ATP13A4: variants seen among roughly 807,000 people sequenced by gnomAD.
ATP13A4 encodes probable cation-transporting ATPase 13A4.
Under a neutral mutation model 142.5 loss-of-function variants are expected in ATP13A4, and 114 were observed. That is an observed-to-expected ratio of 0.80 (90% CI 0.69 to 0.93). The LOEUF (loss-of-function observed/expected upper bound fraction) is 0.93. Among genes scored for constraint, ATP13A4 ranks in the 40% least tolerant of loss-of-function variants. The probability of loss-of-function intolerance (pLI) is 0.00; values close to 1 mark genes in which losing one functional copy is unlikely to be tolerated. For synonymous variants in ATP13A4, 488 were observed against 514.8 expected (o/e 0.95, Z 0.70); for missense variants, 1,392 against 1,454.0 (o/e 0.96, Z 0.69).
At chr3:193,456,074 G>A (rs1172648756) in intron 16 of ATP13A4, among the ~76,000 whole-genome samples, 1 of 152,032 alleles carries the variant, frequency 6.6e-6, no homozygotes, top group Non-Finnish European at 1.5e-5. Flanking sequence ...ATGGGTACTA[G>A]GCTTAATACC....
chr3:193,451,232 GT>G (rs1441285823), intron 17 of ATP13A4, among the ~76,000 whole-genome samples: 9 of 152,136 alleles, frequency 5.9e-5, no homozygotes, highest in Middle Eastern at 3.2e-3. Context: ...CCAGGCCTTG[GT>G]TATTTCTGCA....
intron 14 of ATP13A4, among the ~76,000 whole-genome samples, chr3:193,458,061 T>C (rs1717741209): frequency 6.6e-6 from 1 of 152,196 alleles, no homozygotes; most frequent in African/African-American, 2.4e-5. Flanking sequence ...AATCCCTATT[T>C]AAAGATATGG....
At chr3:193,504,411 C>T (rs6444726) in intron 2 of ATP13A4, among the ~76,000 whole-genome samples, 34,132 of 152,092 alleles carry the variant, frequency 0.22, 4,282 homozygotes, top group African/African-American at 0.33. Flanking sequence ...TTTCTAATAA[C>T]AGTTAATATT....
intron 25 of ATP13A4, among the ~76,000 whole-genome samples, chr3:193,430,621 A>G (rs1388033622): frequency 1.3e-5 from 2 of 151,894 alleles, no homozygotes; most frequent in Non-Finnish European, 2.9e-5. Context: ...ACATATAAAG[A>G]TCCAAGGGGA....
intron 23 of ATP13A4, 38 bp downstream of exon 23, chr3:193,438,437 A>G (rs1716430289): frequency 6.7e-7 from 1 of 1,488,534 alleles, no homozygotes; most frequent in East Asian, 2.3e-5. Context: ...CCAGAAGTCA[A>G]GAGAGAGAAA....
At chr3:193,509,525 T>C (rs1721033987) in intron 2 of ATP13A4, among the ~76,000 whole-genome samples, 1 of 152,262 alleles carries the variant, frequency 6.6e-6, no homozygotes, top group South Asian at 2.1e-4. Flanking sequence ...GGTCTCTTTG[T>C]ATCCTCATCT....
intron 8 of ATP13A4, among the ~76,000 whole-genome samples, chr3:193,474,996 C>T (rs1195830814): frequency 6.6e-6 from 1 of 152,018 alleles, no homozygotes; most frequent in Non-Finnish European, 1.5e-5. Flanking sequence ...ATTTCCAGCG[C>T]ATTCTATTGT....
chr3:193,464,459 C>T (rs1056648124), intron 12 of ATP13A4, among the ~76,000 whole-genome samples: 1 of 152,146 alleles, frequency 6.6e-6, no homozygotes, highest in Non-Finnish European at 1.5e-5. Context: ...CAATAAAGTA[C>T]AGATGGGAAA....
intron 2 of ATP13A4, among the ~76,000 whole-genome samples, chr3:193,510,722 T>A (rs1159878014): frequency 3.3e-5 from 5 of 152,072 alleles, no homozygotes; most frequent in Admixed American, 2.6e-4. Flanking sequence ...TACATCACCG[T>A]CTTTTTTTTT....
intron 1 of ATP13A4, among the ~76,000 whole-genome samples, chr3:193,545,997 G>C (rs1229734427): frequency 6.6e-6 from 1 of 150,834 alleles, no homozygotes; most frequent in African/African-American, 2.4e-5. Flanking sequence ...GTGTGTGTGT[G>C]TGTGTGTGTG....
At chr3:193,420,619 G>C (rs1715358104) in intron 25 of ATP13A4, among the ~76,000 whole-genome samples, 1 of 149,682 alleles carries the variant, frequency 6.7e-6, no homozygotes. Flanking sequence ...ATTAGGAAAA[G>C]AGTTTCCTAA....
chr3:193,425,678 A>C (rs981965215), intron 25 of ATP13A4, among the ~76,000 whole-genome samples: 1 of 151,756 alleles, frequency 6.6e-6, no homozygotes, highest in Admixed American at 6.6e-5. Context: ...AGAAGTAGAG[A>C]GTAGAATAGT....
chr3:193,525,954 CCTT>C (rs1292344298), intron 1 of ATP13A4, among the ~76,000 whole-genome samples: 2 of 152,214 alleles, frequency 1.3e-5, no homozygotes, highest in African/African-American at 4.8e-5. Flanking sequence ...TGGTTCCCAC[CCTT>C]CTTAGTATGA....
At chr3:193,421,308 T>A (rs1715390539) in intron 25 of ATP13A4, among the ~76,000 whole-genome samples, 2 of 149,546 alleles carry the variant, frequency 1.3e-5, no homozygotes, top group Admixed American at 1.4e-4. Context: ...CTGAAAATAC[T>A]ATACAAGTAA....
intron 2 of ATP13A4, among the ~76,000 whole-genome samples, chr3:193,574,477 G>A (rs1287718283): frequency 6.6e-6 from 1 of 152,216 alleles, no homozygotes; most frequent in East Asian, 1.9e-4. Context: ...CCAGCACTTT[G>A]GGAGGTCAAG....
At chr3:193,452,567 A>ATTTT (rs751029977) in intron 17 of ATP13A4, among the ~76,000 whole-genome samples, 28 of 120,788 alleles carry the variant, frequency 2.3e-4, no homozygotes, top group African/African-American at 8.0e-4. Flanking sequence ...ACATTGTGGA[A>ATTTT]TTTTTTTTTT....
intron 13 of ATP13A4, among the ~76,000 whole-genome samples, chr3:193,460,182 C>T (rs1424785719): frequency 6.6e-6 from 1 of 152,196 alleles, no homozygotes; most frequent in African/African-American, 2.4e-5. Context: ...CCCTCTCTCC[C>T]TCTGGTGTCG....
chr3:193,475,539 A>G (rs1308162390), intron 8 of ATP13A4, among the ~76,000 whole-genome samples: 3 of 151,956 alleles, frequency 2.0e-5, no homozygotes, highest in Admixed American at 2.0e-4. Context: ...AATAAAAACC[A>G]AAGTGATGAT....
At chr3:193,473,286 A>G (rs1384753778) in intron 8 of ATP13A4, among the ~76,000 whole-genome samples, 1 of 152,212 alleles carries the variant, frequency 6.6e-6, no homozygotes. Flanking sequence ...ATAAGAAAGA[A>G]CTATAACCAT....
Sources: gnomAD v4.1 joint callset for allele counts (sites outside exome capture counted in the v4.1 genomes callset) on GRCh38, gnomAD v4.1.1 for gene constraint, MANE v1.5 for transcripts, NCBI Gene and HGNC (gene_info 2026-07-23, HGNC 2026-07-21) for gene names.